Variants in BRPF3 observed in about 807,000 individuals in gnomAD.
The protein encoded by BRPF3 is bromodomain and PHD finger-containing protein 3.
In BRPF3, 18 loss-of-function variants were observed where a neutral mutation model predicts 102.0. That is an observed-to-expected ratio of 0.18 (90% CI 0.12 to 0.26). The LOEUF is 0.26. BRPF3 is among the 10% of genes least tolerant of loss of function. BRPF3 has a pLI of 1.00. For missense variants in BRPF3, 1,147 were observed against 1,567.8 expected (o/e 0.73, Z 4.53); for synonymous variants, 570 against 614.2 (o/e 0.93, Z 1.06).
chr6:36,210,590 C>A lies in BRPF3; in HGVS notation c.2179+62C>A. 2 of 1,480,744 alleles carry A rather than the reference C, an allele frequency of 1.4e-6. No individual in the cohort carries two copies. The highest frequency in any genetic ancestry group is 1.8e-6 in the Non-Finnish European group (2 of 1,105,452). 91.7% of individuals were successfully genotyped at this position (1,480,744 alleles called of 1,614,324 possible). A position where few individuals can be genotyped will look rare whatever the true frequency, so the allele number is the denominator to read the frequency against. On this transcript the variant is annotated intron_variant, in intron 6 of 12. Coordinates refer to ENST00000357641, the MANE Select transcript of BRPF3 (RefSeq NM_015695.3). The surrounding 1 kb of genome is among the most constrained non-coding windows in gnomAD (Gnocchi z 4.7). ...GGAGGAGGCACAGGAACAGAGTCTA[C>A]AGAGTGAGGGATCAGGGTGGTCCTT... is the stretch of plus-strand genomic sequence containing the variant.
intron 11 of BRPF3, among the ~76,000 whole-genome samples, chr6:36,226,841 C>A (rs1768756636): frequency 6.6e-6 from 1 of 152,274 alleles, no homozygotes. Context: ...TGTGACCTAG[C>A]AGCTGAAGAG....
In BRPF3 at chr6:36,200,236, G is replaced by C. The variant is rs1767644052; in HGVS notation, c.-26-61G>C. On this transcript the variant is annotated intron_variant, in intron 1 of 12. Coordinates refer to ENST00000357641, the MANE Select transcript of BRPF3 (RefSeq NM_015695.3). This position sits in a 1 kb window ranked among gnomAD's most constrained non-coding sequence, Gnocchi z 5.3. Reference sequence around the variant, plus strand: ...CCTCTTGGTGGATGCTTGATCATATGGGAGGATGAATGGGTGCATAAGGGC... The same window carrying C: ...CCTCTTGGTGGATGCTTGATCATATCGGAGGATGAATGGGTGCATAAGGGC... The C allele has an allele frequency of 1.4e-6, 2 of 1,468,762 alleles. No homozygotes were observed. The highest frequency in any genetic ancestry group is 2.8e-5 in the South Asian group (2 of 70,546). 91.0% of individuals were successfully genotyped at this position (1,468,762 alleles called of 1,614,324 possible). A position where few individuals can be genotyped will look rare whatever the true frequency, so the allele number is the denominator to read the frequency against.
chr6:36,215,974 G>A (rs1768315563), intron 8 of BRPF3, among the ~76,000 whole-genome samples: 1 of 152,160 alleles, frequency 6.6e-6, no homozygotes, highest in South Asian at 2.1e-4. Flanking sequence ...CTTCTTGCCT[G>A]ACATTTTGTT....
chr6:36,227,338 A>T (rs1261554935), intron 11 of BRPF3, among the ~76,000 whole-genome samples: 2 of 152,080 alleles, frequency 1.3e-5, no homozygotes, highest in Non-Finnish European at 2.9e-5. Context: ...TCTAATGTTG[A>T]CTCCAAGCAT....
At chr6:36,228,504 A>G (rs1338085505) in intron 11 of BRPF3, among the ~76,000 whole-genome samples, 3 of 152,228 alleles carry the variant, frequency 2.0e-5, no homozygotes, top group African/African-American at 7.2e-5. Flanking sequence ...TGATCTTACC[A>G]TGGAGGTGTC....
In BRPF3 at chr6:36,200,956, G is replaced by A; in HGVS notation, c.634G>A (p.Asp212Asn). 1 of 1,614,224 alleles carries A rather than the reference G, an allele frequency of 6.2e-7. No homozygotes were observed. The highest frequency in any genetic ancestry group is 1.3e-5 in the African/African-American group (1 of 75,058). The change falls in exon 2 of 13, where the codon GAC becomes AAC. Residue 212 changes from aspartate (D) to asparagine (N), a missense_variant. Transcript: ENST00000357641. This position sits in a 1 kb window ranked among gnomAD's most constrained non-coding sequence, Gnocchi z 5.3. ...SGAQQSLIDE[D>N]AFCCVCLDDE... ...GGCCCAACAGTCACTCATCGATGAAGACGCTTTCTGCTGTGTGTGCCTGGA... is the reference window on the plus strand; with the variant it reads ...GGCCCAACAGTCACTCATCGATGAAAACGCTTTCTGCTGTGTGTGCCTGGA...
intron 11 of BRPF3, among the ~76,000 whole-genome samples, chr6:36,228,699 A>G (rs1429646441): frequency 3.3e-5 from 5 of 152,144 alleles, no homozygotes; most frequent in African/African-American, 1.2e-4. Flanking sequence ...GGGGAAATTG[A>G]CAGGAAAAAA....
chr6:36,212,442 A>G (rs987288976), intron 7 of BRPF3, among the ~76,000 whole-genome samples: 1 of 152,132 alleles, frequency 6.6e-6, no homozygotes, highest in Non-Finnish European at 1.5e-5. Context: ...CACATTTGAC[A>G]TCAGAGGGCT....
chr6:36,226,534 TGAG>T (rs1768746366), intron 11 of BRPF3, among the ~76,000 whole-genome samples: 1 of 152,186 alleles, frequency 6.6e-6, no homozygotes, highest in Admixed American at 6.5e-5. Flanking sequence ...GAGGCCAGAC[TGAG>T]GCATCAATAT....
Position 36,230,822 on chromosome 6 carries a change from A to G in BRPF3, c.*213A>G. On this transcript the variant is annotated 3_prime_UTR_variant, in exon 13 of 13. Transcript: ENST00000357641. This position sits in a 1 kb window ranked among gnomAD's most constrained non-coding sequence, Gnocchi z 5.4. ...GCTGTGTGCCAAAAACTCCCACCCAAGGTCCCTCAGGGGATATTTCACTGA... is the reference window on the plus strand; with the variant it reads ...GCTGTGTGCCAAAAACTCCCACCCAGGGTCCCTCAGGGGATATTTCACTGA... 3 of 578,520 alleles carry G rather than the reference A, an allele frequency of 5.2e-6. No individual in the cohort carries two copies. Among genetic ancestry groups the G allele is most frequent in the South Asian group, 4.5e-5 (2 of 44,006 alleles). 35.8% of individuals were successfully genotyped at this position (578,520 alleles called of 1,614,324 possible).
intron 7 of BRPF3, 128 bp from the exon 8 acceptor site, chr6:36,213,752 G>A (rs1416358679): frequency 3.4e-6 from 3 of 887,222 alleles, no homozygotes; most frequent in Non-Finnish European, 3.5e-6. Context: ...TCAGATCTAA[G>A]ACCTTGAATG....
chr6:36,210,070 C>G lies in BRPF3; in HGVS notation c.1867-146C>G. 1 of 1,397,248 alleles carries G rather than the reference C, an allele frequency of 7.2e-7. No individual in the cohort carries two copies. The highest frequency in any genetic ancestry group is 9.9e-7 in the Non-Finnish European group (1 of 1,008,656). 86.6% of individuals were successfully genotyped at this position (1,397,248 alleles called of 1,614,324 possible). A position where few individuals can be genotyped will look rare whatever the true frequency, so the allele number is the denominator to read the frequency against. ...AGACTTGCCCTTGATGAGGGGTCAGCAGGCCAGGGTGGGCCAGGACTGTAG... is the reference window on the plus strand; with the variant it reads ...AGACTTGCCCTTGATGAGGGGTCAGGAGGCCAGGGTGGGCCAGGACTGTAG... On this transcript the variant is annotated intron_variant, in intron 5 of 12. Coordinates refer to ENST00000357641, the MANE Select transcript of BRPF3 (RefSeq NM_015695.3). The surrounding 1 kb of genome is among the most constrained non-coding windows in gnomAD (Gnocchi z 4.7).
At chr6:36,207,483 G>C (rs749781330) in intron 4 of BRPF3, 39 bp downstream of exon 4, 1 of 1,606,908 alleles carries the variant, frequency 6.2e-7, no homozygotes, top group East Asian at 2.2e-5. Flanking sequence ...CTAGTTCAAG[G>C]CCACTTTCTC....
intron 8 of BRPF3, among the ~76,000 whole-genome samples, chr6:36,216,862 G>C (rs1768346222): frequency 6.6e-6 from 1 of 152,136 alleles, no homozygotes; most frequent in Admixed American, 6.5e-5. Flanking sequence ...AACATGGCAA[G>C]ACCCTGTTTC....
chr6:36,216,423 A>G (rs566911078), intron 8 of BRPF3, among the ~76,000 whole-genome samples: 4 of 152,310 alleles, frequency 2.6e-5, no homozygotes, highest in African/African-American at 9.6e-5. Context: ...CCTGTCTCTC[A>G]CCATCCCAGT....
intron 7 of BRPF3, among the ~76,000 whole-genome samples, chr6:36,211,953 T>C (rs1768133421): frequency 6.6e-6 from 1 of 152,146 alleles, no homozygotes; most frequent in Non-Finnish European, 1.5e-5. Context: ...TCAGCCTACC[T>C]TGTAACATCA....
intron 11 of BRPF3, among the ~76,000 whole-genome samples, chr6:36,228,303 G>T (rs973779045): frequency 6.6e-6 from 1 of 152,206 alleles, no homozygotes; most frequent in East Asian, 1.9e-4. Flanking sequence ...AGCACCTGCC[G>T]TCTCTGAGCC....
chr6:36,220,540 G>A (rs1458800763), intron 9 of BRPF3, among the ~76,000 whole-genome samples: 4 of 152,182 alleles, frequency 2.6e-5, no homozygotes, highest in African/African-American at 9.7e-5. Context: ...GCTGTCTTCT[G>A]TTGTATTTGA....
At chr6:36,227,810 GTAAACTCCTAACCAGAACAGCTGC>G (rs1432431114) in intron 11 of BRPF3, among the ~76,000 whole-genome samples, 3 of 152,328 alleles carry the variant, frequency 2.0e-5, no homozygotes, top group Admixed American at 2.0e-4. Context: ...CTTCCTTAGA[GTAAACTCCTAACCAGAACAGCTGC>G]TTTCAGCTGC....
Sources: gnomAD v4.1 joint callset for allele counts (sites outside exome capture counted in the v4.1 genomes callset) on GRCh38, gnomAD v4.1.1 for gene constraint, Gnocchi (gnomAD v3.1) non-coding constraint, MANE v1.5 for transcripts, NCBI Gene and HGNC (gene_info 2026-07-23, HGNC 2026-07-21) for gene names.